BCR: variants seen among roughly 807,000 people sequenced by gnomAD.
BCR encodes BCR activator of RhoGEF and GTPase.
BCR carries 58 observed loss-of-function variants against 138.6 expected under a neutral mutation model. That is an observed-to-expected ratio of 0.42 (90% confidence interval 0.34 to 0.52). The LOEUF (loss-of-function observed/expected upper bound fraction) is 0.52. Among genes scored for constraint, BCR ranks in the 20% least tolerant of loss-of-function variants. BCR has a pLI of 0.06. For missense variants in BCR, 1,599 were observed against 1,727.2 expected (o/e 0.93, Z 1.32); for synonymous variants, 786 against 730.1 (o/e 1.08, Z -1.23).
chr22:23,247,698 A>G (rs1038073754), intron 1 of BCR, among the ~76,000 whole-genome samples: 5 of 152,184 alleles, frequency 3.3e-5, no homozygotes, highest in South Asian at 2.1e-4. Flanking sequence ...CCCAGGCATC[A>G]CATGGCCGAT....
At chr22:23,226,305 TGAGA>T (rs67417858) in intron 1 of BCR, among the ~76,000 whole-genome samples, 2,209 of 149,034 alleles carry the variant, frequency 0.015, 53 homozygotes, top group African/African-American at 0.05. Context: ...ATTAAGTGTA[TGAGA>T]GAGAGAGAGA....
chr22:23,271,869 ATT>A (rs34060185), intron 6 of BCR, among the ~76,000 whole-genome samples: 1 of 147,980 alleles, frequency 6.8e-6, no homozygotes, highest in Non-Finnish European at 1.5e-5. Context: ...CATAAGGAGG[ATT>A]TTTTTTTTTT....
At chr22:23,220,760 G>T (rs775894760) in intron 1 of BCR, among the ~76,000 whole-genome samples, 8 of 152,200 alleles carry the variant, frequency 5.3e-5, no homozygotes, top group Non-Finnish European at 1.2e-4. Context: ...GTAAGATGGG[G>T]GTAGTAACCT....
chr22:23,277,972 T>C (rs80296295), intron 8 of BCR, among the ~76,000 whole-genome samples: 5,437 of 152,258 alleles, frequency 0.036, 147 homozygotes, highest in African/African-American at 0.063. Flanking sequence ...TCCTTAGCCT[T>C]CCCAAAATGA....
At position 23,315,696 on chromosome 22, in the gene BCR, G is replaced by T; in HGVS notation, c.*174G>T. ...AGGACAGGTGGCCTGGAAAGATCCCGCCCAGGTCTGGGAGCCCCAGGCTGG... is the reference window on the plus strand; with the variant it reads ...AGGACAGGTGGCCTGGAAAGATCCCTCCCAGGTCTGGGAGCCCCAGGCTGG... On this transcript the variant is annotated 3_prime_UTR_variant, in exon 23 of 23. Transcript: ENST00000305877. 1 of 711,544 alleles carries T rather than the reference G, an allele frequency of 1.4e-6. No homozygotes were observed. The highest frequency in any genetic ancestry group is 2.5e-6 in the Non-Finnish European group (1 of 398,710). The allele number at this position is 711,544 out of a possible 1,614,324, so 44.1% of individuals were successfully genotyped here.
intron 21 of BCR, 26 bp from the exon 22 acceptor site, chr22:23,314,526 G>A (rs1283330956): frequency 1.2e-6 from 2 of 1,611,510 alleles, no homozygotes; most frequent in Non-Finnish European, 1.7e-6. Context: ...CGTTGAAACA[G>A]CACCCGCTGC....
intron 1 of BCR, among the ~76,000 whole-genome samples, chr22:23,195,634 C>T (rs973720657): frequency 3.3e-5 from 5 of 152,040 alleles, no homozygotes; most frequent in Non-Finnish European, 7.4e-5. Context: ...CGCCTGTAAT[C>T]CCAGCACTTT....
chr22:23,314,626 G>A lies in BCR; in HGVS notation c.3638G>A (p.Arg1213Gln), dbSNP rs141870546. 1.4e-4 allele frequency: 222 copies of A among 1,611,656 alleles called. No homozygotes were observed. Among genetic ancestry groups the A allele is most frequent in the African/African-American group, 2.3e-4 (17 of 74,798 alleles). Residue 1213 changes from arginine (R) to glutamine (Q), a missense_variant, in exon 22 of 23, where the codon CGG becomes CAG. By Grantham distance (43) the Arg-to-Gln change is conservative (BLOSUM62 1). Transcript: ENST00000305877. ...ACGGTCTTTGGCCCCACGCTGCTCC[G>A]GCCCTCCGAGAAGGAGAGCAAGCTC... ...LATVFGPTLL[R>Q]PSEKESKLPA... is the part of the protein sequence containing the mutation.
chr22:23,194,923 C>G (rs186721004), intron 1 of BCR, among the ~76,000 whole-genome samples: 145 of 152,056 alleles, frequency 9.5e-4, no homozygotes, highest in Middle Eastern at 3.4e-3. Flanking sequence ...CCAGCCTGGG[C>G]GACAGAGCAA....
chr22:23,203,562 G>A (rs886920712), intron 1 of BCR, among the ~76,000 whole-genome samples: 26 of 152,142 alleles, frequency 1.7e-4, no homozygotes, highest in African/African-American at 5.1e-4. Context: ...GATGACCCTC[G>A]AAACAGTCCA....
intron 1 of BCR, among the ~76,000 whole-genome samples, chr22:23,225,774 C>T (rs1404301871): frequency 2.0e-5 from 3 of 152,228 alleles, no homozygotes; most frequent in Non-Finnish European, 4.4e-5. Flanking sequence ...GGAAGGCAGT[C>T]ATCCAAGACT....
intron 1 of BCR, among the ~76,000 whole-genome samples, chr22:23,236,292 A>G (rs2073022388): frequency 6.6e-6 from 1 of 152,192 alleles, no homozygotes. Flanking sequence ...CCCCACCTGC[A>G]GCCTCATCTC....
chr22:23,181,034 T>A lies in BCR; in HGVS notation c.74T>A (p.Leu25Gln), dbSNP rs1418636261. Reference sequence around the variant, plus strand: ...GACTCAGAGCCCCCGCGCATGGAGCTGCGCTCAGTGGGCGACATCGAGCAG... The same window carrying A: ...GACTCAGAGCCCCCGCGCATGGAGCAGCGCTCAGTGGGCGACATCGAGCAG... ...FPDSEPPRME[L>Q]RSVGDIEQEL... Residue 25 changes from leucine (L) to glutamine (Q), a missense_variant, in exon 1 of 23, where the codon CTG becomes CAG. Physicochemically the swap from Leu to Gln is moderately radical, Grantham distance 113. Around this residue, in one of 4 missense-constraint regions of BCR, gnomAD observed 806 missense variants for 635.0 expected, o/e 1.27. Transcript: ENST00000305877. The A allele has an allele frequency of 6.6e-7, 1 of 1,518,490 alleles. No individual in the cohort carries two copies. The highest frequency in any genetic ancestry group is 8.9e-7 in the Non-Finnish European group (1 of 1,127,554). The allele number at this position is 1,518,490 out of a possible 1,614,324, so 94.1% of individuals were successfully genotyped here. A position where few individuals can be genotyped will look rare whatever the true frequency, so the allele number is the denominator to read the frequency against.
At chr22:23,266,440 A>G (rs141072875) in intron 4 of BCR, among the ~76,000 whole-genome samples, 8,384 of 150,510 alleles carry the variant, frequency 0.056, 787 homozygotes, top group African/African-American at 0.19. Flanking sequence ...CCCAGGCTGG[A>G]GTGCAGTGGC....
rs149769865 is a variant in BCR, at chr22:23,264,041, GCT to G, written c.1752+2505_1752+2506del. 8.0e-4 allele frequency: 792 copies of G among 989,204 alleles called. 7 individuals carry two copies. In the East Asian group the frequency reaches 0.018, roughly 22 times the overall value. The allele number at this position is 989,204 out of a possible 1,614,324, so 61.3% of individuals were successfully genotyped here. A position where few individuals can be genotyped will look rare whatever the true frequency, so the allele number is the denominator to read the frequency against. On this transcript the variant is annotated intron_variant, in intron 4 of 22. Coordinates refer to ENST00000305877, the MANE Select transcript of BCR (RefSeq NM_004327.4). The stretch of plus-strand genomic sequence containing the variant: ...TCATATATGAGTCCCCTTTCGCACT[GCT>G]CTCCTGTGGCTATGACACCTATGTT...
intron 7 of BCR, 46 bp downstream of exon 7, chr22:23,273,179 G>A (rs569569830): frequency 1.1e-5 from 18 of 1,588,106 alleles, no homozygotes; most frequent in Middle Eastern, 1.7e-4. Flanking sequence ...CTGCCCCCTC[G>A]GGCACACACA....
rs888632357 is a variant in BCR at position 23,215,791 on chromosome 22, G to A, written c.1279+33552G>A. On this transcript the variant is annotated intron_variant, in intron 1 of 22. Transcript: ENST00000305877. ...CTTCGTGGGTTGGGACAGTGGTTCT[G>A]CACCCCCACTCAGCAGCTCAGGAAC... is the stretch of plus-strand genomic sequence containing the variant. Among the ~76,000 whole-genome samples the A allele has an allele frequency of 1.3e-5, 2 of 152,140 alleles. 1 individual carries two copies. Among genetic ancestry groups the A allele is most frequent in the South Asian group, 4.1e-4 (2 of 4,832 alleles).
intron 17 of BCR, chr22:23,309,831 A>G (rs2073988468): frequency 2.6e-6 from 1 of 379,124 alleles, no homozygotes; most frequent in Non-Finnish European, 4.8e-6. Flanking sequence ...CTTAAAAGCA[A>G]TGACACACCC....
In BCR at chr22:23,182,068, C is replaced by T. The variant is rs753258409; in HGVS notation, c.1108C>T (p.Pro370Ser). The T allele has an allele frequency of 6.2e-7, 1 of 1,613,582 alleles. No individual in the cohort carries two copies. The highest frequency in any genetic ancestry group is 8.5e-7 in the Non-Finnish European group (1 of 1,180,026). ...CATGTTCCGGGACAAAAGCCGCTCT[C>T]CCTCGCAGAACTCGCAACAGTCCTT... Reference protein sequence around the residue: ...YRMFRDKSRSPSQNSQQSFDS... With the variant: ...YRMFRDKSRSSSQNSQQSFDS... The change falls in exon 1 of 23, where the codon CCC becomes TCC. Residue 370 changes from proline to serine, a missense_variant. Physicochemically the swap from Pro to Ser is moderately conservative, Grantham distance 74. This residue lies in a region of BCR where 806 missense variants were observed against 635.0 expected (regional missense o/e 1.27). Coordinates refer to ENST00000305877, the MANE Select transcript of BCR (RefSeq NM_004327.4).
Sources: gnomAD v4.1 joint callset for allele counts (sites outside exome capture counted in the v4.1 genomes callset) on GRCh38, gnomAD v4.1.1 for gene constraint, gnomAD v4.1.1 regional missense constraint, MANE v1.5 for transcripts, NCBI Gene and HGNC (gene_info 2026-07-23, HGNC 2026-07-21) for gene names.